The following CPPED1 variants were observed in gnomAD, a reference collection of about 807,000 sequenced individuals.
CPPED1 encodes the protein serine/threonine-protein phosphatase CPPED1.
CPPED1 carries 28 observed loss-of-function variants against 28.0 expected under a neutral mutation model. That is an observed-to-expected ratio of 1.00 (90% CI 0.74 to 1.37). CPPED1 has a LOEUF of 1.37. Ranked by LOEUF, CPPED1 falls within the 40% of genes most tolerant of loss-of-function variation. The pLI, the probability that CPPED1 is intolerant of heterozygous loss-of-function variation, is 0.00. For missense variants in CPPED1, 504 were observed against 416.5 expected (o/e 1.21, Z -1.83); for synonymous variants, 198 against 180.2 (o/e 1.10, Z -0.79).
chr16:12,665,707 A>G (rs2079821861), intron 3 of CPPED1, among the ~76,000 whole-genome samples: 2 of 152,196 alleles, frequency 1.3e-5, no homozygotes, highest in South Asian at 2.1e-4. Flanking sequence ...AGGTGGGTGG[A>G]TCACAAGGTC....
intron 2 of CPPED1, among the ~76,000 whole-genome samples, chr16:12,748,945 T>C (rs1011726519): frequency 3.4e-5 from 5 of 148,638 alleles, no homozygotes; most frequent in Non-Finnish European, 7.4e-5. Context: ...TAATTAAAAA[T>C]ACTTTATTGC....
At chr16:12,713,289 C>T (rs1008784522) in intron 2 of CPPED1, among the ~76,000 whole-genome samples, 3 of 152,210 alleles carry the variant, frequency 2.0e-5, no homozygotes, top group African/African-American at 7.2e-5. Context: ...GTCTCTGCTA[C>T]TATTTTGATA....
chr16:12,686,432 C>T (rs1216461012), intron 3 of CPPED1, among the ~76,000 whole-genome samples: 2 of 152,086 alleles, frequency 1.3e-5, no homozygotes, highest in Non-Finnish European at 2.9e-5. Context: ...TAACAGAGTT[C>T]CCCTGCTGTC....
intron 2 of CPPED1, among the ~76,000 whole-genome samples, chr16:12,734,960 C>G (rs985516917): frequency 2.0e-5 from 3 of 152,156 alleles, no homozygotes; most frequent in African/African-American, 7.2e-5. Context: ...ACTGCAGAGA[C>G]CAGGCAAGGC....
intron 1 of CPPED1, among the ~76,000 whole-genome samples, chr16:12,789,919 T>C (rs1003281985): frequency 1.3e-5 from 2 of 152,212 alleles, no homozygotes; most frequent in African/African-American, 4.8e-5. Context: ...TCACCTGTTG[T>C]ATAGAGAATA....
At chr16:12,788,741 C>T (rs975457096) in intron 1 of CPPED1, among the ~76,000 whole-genome samples, 8 of 152,160 alleles carry the variant, frequency 5.3e-5, no homozygotes, top group Non-Finnish European at 8.8e-5. Flanking sequence ...TCTGGGCTTC[C>T]CTCAAGTTAT....
Position 12,709,517 on chromosome 16 carries a change from G to A in CPPED1, c.290-4468C>T, listed in dbSNP as rs1258987481. Among the ~76,000 whole-genome samples the A allele has an allele frequency of 6.6e-6, 1 of 152,092 alleles. No homozygotes were observed. The highest frequency in any genetic ancestry group is 1.9e-4 in the East Asian group (1 of 5,190). On this transcript the variant is annotated intron_variant, in intron 2 of 3. Transcript: ENST00000381774. This position sits in a 1 kb window ranked among gnomAD's most constrained non-coding sequence, Gnocchi z 4.4. ...CAATTGGTCAAAATAAAACTAGGAG[G>A]TAAAAAGCATGATAACGATAATTAC... is the stretch of plus-strand genomic sequence containing the variant.
At chr16:12,689,639 C>T (rs2079951948) in intron 3 of CPPED1, among the ~76,000 whole-genome samples, 1 of 151,976 alleles carries the variant, frequency 6.6e-6, no homozygotes, top group South Asian at 2.1e-4. Flanking sequence ...TGTGAGACCA[C>T]AAACCACACT....
intron 2 of CPPED1, among the ~76,000 whole-genome samples, chr16:12,776,817 G>C (rs111926806): frequency 0.057 from 8,642 of 152,130 alleles, 341 homozygotes; most frequent in Non-Finnish European, 0.077. Context: ...TACTCAGGAA[G>C]CTGAGGCAGG....
intron 3 of CPPED1, among the ~76,000 whole-genome samples, chr16:12,683,573 C>A (rs2141173682): frequency 6.6e-6 from 1 of 152,338 alleles, no homozygotes; most frequent in South Asian, 2.1e-4. Flanking sequence ...TGCCCCAATG[C>A]ACACCCCTCC....
intron 2 of CPPED1, among the ~76,000 whole-genome samples, chr16:12,712,053 A>G (rs2080082888): frequency 6.6e-6 from 1 of 152,110 alleles, no homozygotes; most frequent in Non-Finnish European, 1.5e-5. Context: ...GAAAGAACAC[A>G]CATGTCTGCA....
intron 2 of CPPED1, among the ~76,000 whole-genome samples, chr16:12,732,929 G>A (rs2080206942): frequency 6.6e-6 from 1 of 152,092 alleles, no homozygotes; most frequent in South Asian, 2.1e-4. Context: ...AAGCACAGAT[G>A]GTTCCTAGAC....
intron 1 of CPPED1, among the ~76,000 whole-genome samples, chr16:12,783,881 T>G (rs2080547113): frequency 6.6e-6 from 1 of 152,168 alleles, no homozygotes; most frequent in African/African-American, 2.4e-5. Context: ...TGTGTGCATC[T>G]CATGGAGAAA....
intron 2 of CPPED1, among the ~76,000 whole-genome samples, chr16:12,741,924 G>A (rs2080257859): frequency 6.6e-6 from 1 of 151,910 alleles, no homozygotes; most frequent in Non-Finnish European, 1.5e-5. Context: ...AAATTAGCAG[G>A]GCTTCGTGGC....
In CPPED1 at chr16:12,663,302, C is replaced by G. The variant is rs903170482; in HGVS notation, c.*1584G>C. ...TCTCAAACTCCTGATCTCAGGTGAT[C>G]TGCCCGTCTCAGCCTCCCAAAGTGC... On this transcript the variant is annotated 3_prime_UTR_variant, in exon 4 of 4. Transcript: ENST00000381774. The G allele has an allele frequency of 5.3e-5, 8 of 152,236 alleles. No homozygotes were observed. Among genetic ancestry groups the G allele is most frequent in the African/African-American group, 1.9e-4 (8 of 41,440 alleles). 9.4% of individuals were successfully genotyped at this position (152,236 alleles called of 1,614,324 possible). A position where few individuals can be genotyped will look rare whatever the true frequency, so the allele number is the denominator to read the frequency against.
rs1247794043 is a variant in CPPED1 at position 12,663,090 on chromosome 16, C to G, written c.*1796G>C. ...TTTTTTTTTTTTTTTGAGACAGAGTCTTGCTCTGTTGCCCAGGCTGGAGTG... is the reference window on the plus strand; with the variant it reads ...TTTTTTTTTTTTTTTGAGACAGAGTGTTGCTCTGTTGCCCAGGCTGGAGTG... On this transcript the variant is annotated 3_prime_UTR_variant, in exon 4 of 4. Coordinates refer to ENST00000381774, the MANE Select transcript of CPPED1 (RefSeq NM_018340.3). 2 of 136,608 alleles carry G rather than the reference C, an allele frequency of 1.5e-5. No homozygotes were observed. The allele number at this position is 136,608 out of a possible 1,614,324, so 8.5% of individuals were successfully genotyped here. A position where few individuals can be genotyped will look rare whatever the true frequency, so the allele number is the denominator to read the frequency against.
chr16:12,667,174 A>C (rs926471501), intron 3 of CPPED1, among the ~76,000 whole-genome samples: 5 of 152,242 alleles, frequency 3.3e-5, no homozygotes, highest in African/African-American at 1.2e-4. Flanking sequence ...CCCTGAAATG[A>C]AAAATTCTGC....
intron 3 of CPPED1, among the ~76,000 whole-genome samples, chr16:12,700,393 C>T (rs1008080920): frequency 6.6e-6 from 1 of 152,178 alleles, no homozygotes; most frequent in African/African-American, 2.4e-5. Flanking sequence ...GCCACAGAGG[C>T]CACGTGTTGA....
chr16:12,677,550 G>A (rs1374388854), intron 3 of CPPED1, among the ~76,000 whole-genome samples: 1 of 152,220 alleles, frequency 6.6e-6, no homozygotes, highest in Non-Finnish European at 1.5e-5. Flanking sequence ...GCTGAGGCAC[G>A]AGAATCACTT....
Sources: allele counts gnomAD v4.1 joint callset (sites outside exome capture counted in the v4.1 genomes callset), GRCh38; gene constraint gnomAD v4.1.1; non-coding constraint Gnocchi (gnomAD v3.1); transcripts MANE v1.5; gene names NCBI Gene and HGNC (gene_info 2026-07-23, HGNC 2026-07-21).